GSTCD: variants seen among roughly 807,000 people sequenced by gnomAD.
The protein encoded by GSTCD is glutathione S-transferase C-terminal domain-containing protein.
GSTCD carries 44 observed loss-of-function variants against 68.3 expected under a neutral mutation model. The ratio of observed to expected loss-of-function variants is 0.64; its 90% CI spans 0.51 to 0.83. The LOEUF is 0.83. GSTCD is among the 40% of genes least tolerant of loss of function. The pLI is 0.00. For missense variants in GSTCD, 739 were observed against 735.9 expected, an observed-to-expected ratio of 1.00 and a Z score of -0.05; for synonymous variants, 273 against 255.2, an observed-to-expected ratio of 1.07 and a Z score of -0.67.
Position 105,759,320 on chromosome 4 carries a change from T to C in GSTCD, c.1240+29821T>C, listed in dbSNP as rs112042765. Among the ~76,000 whole-genome samples, 1,056 of 152,140 alleles carry C rather than the reference T, an allele frequency of 6.9e-3. 17 individuals carry two copies. Among genetic ancestry groups the C allele is most frequent in the African/African-American group, 0.024 (994 of 41,490 alleles). On this transcript the variant is annotated intron_variant, in intron 5 of 11. Transcript: ENST00000515279. ...GAATTCCCAAGAATATTTATTATTA[T>C]TATTATTATTAAAAGAATAACCTAC...
chr4:105,846,063 A>G lies in GSTCD; in HGVS notation c.*486A>G, dbSNP rs1459511456. 2 of 156,398 alleles carry G rather than the reference A, an allele frequency of 1.3e-5. No homozygotes were observed. The highest frequency in any genetic ancestry group is 3.7e-4 in the East Asian group (2 of 5,444). 9.7% of individuals were successfully genotyped at this position (156,398 alleles called of 1,614,324 possible). A position where few individuals can be genotyped will look rare whatever the true frequency, so the allele number is the denominator to read the frequency against. The stretch of plus-strand genomic sequence containing the variant: ...TTTAAAAAAATCTAGTCAGGTAATT[A>G]TAGTACAGTTATTTTTAAGCTGGGG... On this transcript the variant is annotated 3_prime_UTR_variant, in exon 12 of 12. Transcript: ENST00000515279.
chr4:105,764,106 AG>A (rs1734517224), intron 5 of GSTCD, among the ~76,000 whole-genome samples: 1 of 152,178 alleles, frequency 6.6e-6, no homozygotes, highest in South Asian at 2.1e-4. Context: ...TCACATCAAA[AG>A]TTTAACAGTG....
At chr4:105,738,660 T>C (rs1733537933) in intron 5 of GSTCD, among the ~76,000 whole-genome samples, 1 of 152,202 alleles carries the variant, frequency 6.6e-6, no homozygotes, top group Non-Finnish European at 1.5e-5. Flanking sequence ...ATATTGATGC[T>C]ACAGAATTTT....
chr4:105,775,209 A>G (rs577794725), intron 5 of GSTCD, among the ~76,000 whole-genome samples: 1 of 152,200 alleles, frequency 6.6e-6, no homozygotes, highest in East Asian at 1.9e-4. Context: ...CCAGCAGGTC[A>G]TTTATGTTCT....
chr4:105,764,751 A>G (rs992115222), intron 5 of GSTCD, among the ~76,000 whole-genome samples: 1 of 152,220 alleles, frequency 6.6e-6, no homozygotes, highest in Non-Finnish European at 1.5e-5. Context: ...TAGGCTTTTA[A>G]CATAATTTTT....
At chr4:105,766,624 C>T (rs556473522) in intron 5 of GSTCD, among the ~76,000 whole-genome samples, 15 of 152,240 alleles carry the variant, frequency 9.9e-5, no homozygotes, top group African/African-American at 3.6e-4. Context: ...AAATTACACT[C>T]ATGTTCATAG....
At chr4:105,746,001 C>T (rs929825367) in intron 5 of GSTCD, among the ~76,000 whole-genome samples, 3 of 152,042 alleles carry the variant, frequency 2.0e-5, no homozygotes, top group Non-Finnish European at 4.4e-5. Flanking sequence ...ACATTACCAC[C>T]CATTCACCCT....
chr4:105,784,005 G>T (rs531177408), intron 5 of GSTCD, among the ~76,000 whole-genome samples: 90 of 152,310 alleles, frequency 5.9e-4, no homozygotes, highest in Non-Finnish European at 1.0e-3. Flanking sequence ...AAAAGGCATG[G>T]GATGTTAGTT....
At chr4:105,731,203 T>C (rs1733227305) in intron 5 of GSTCD, among the ~76,000 whole-genome samples, 1 of 152,216 alleles carries the variant, frequency 6.6e-6, no homozygotes, top group Non-Finnish European at 1.5e-5. Context: ...AGGATTGTCT[T>C]GGCAATGCGG....
rs553600403 is a variant in GSTCD, at chr4:105,733,992, T to C, written c.1240+4493T>C. Among the ~76,000 whole-genome samples, 9 of 152,330 alleles carry C rather than the reference T, an allele frequency of 5.9e-5. No individual in the cohort carries two copies. In the East Asian group the frequency reaches 1.5e-3, roughly 26 times the overall value. On this transcript the variant is annotated intron_variant, in intron 5 of 11. Coordinates refer to ENST00000515279, the MANE Select transcript of GSTCD (RefSeq NM_001370181.1). ...AAATTCTGGGTTGAAAATTCTTTTCTTTAAGAATGTTGAATATTGGCCCCC... is the reference window on the plus strand; with the variant it reads ...AAATTCTGGGTTGAAAATTCTTTTCCTTAAGAATGTTGAATATTGGCCCCC...
intron 5 of GSTCD, among the ~76,000 whole-genome samples, chr4:105,801,229 G>C (rs1736094992): frequency 1.3e-5 from 2 of 152,198 alleles, no homozygotes; most frequent in South Asian, 4.1e-4. Context: ...CCTCAGCTAG[G>C]AACATGTAAT....
intron 5 of GSTCD, among the ~76,000 whole-genome samples, chr4:105,794,594 A>G (rs1735797909): frequency 6.6e-6 from 1 of 151,866 alleles, no homozygotes; most frequent in Non-Finnish European, 1.5e-5. Flanking sequence ...AATAAAGTCT[A>G]TAACACACTC....
rs1724582175 is a variant in GSTCD, at chr4:105,847,225, T to G, written c.*1648T>G. 6.6e-6 allele frequency: 1 copy of G among 151,648 alleles called. No individual in the cohort carries two copies. Among genetic ancestry groups the G allele is most frequent in the Non-Finnish European group, 1.5e-5 (1 of 67,998 alleles). 9.4% of individuals were successfully genotyped at this position (151,648 alleles called of 1,614,324 possible). A position where few individuals can be genotyped will look rare whatever the true frequency, so the allele number is the denominator to read the frequency against. On this transcript the variant is annotated 3_prime_UTR_variant, in exon 12 of 12. Transcript: ENST00000515279. ...TAATGTTTTCAACCCCTGTGTAACA[T>G]GTATCATGAGGAGAAAGCACTATCA...
chr4:105,777,747 T>C (rs1229204295), intron 5 of GSTCD, among the ~76,000 whole-genome samples: 1 of 152,196 alleles, frequency 6.6e-6, no homozygotes, highest in Admixed American at 6.5e-5. Flanking sequence ...GGGATGTTAG[T>C]AATGACTTCT....
At chr4:105,792,100 T>C (rs945490192) in intron 5 of GSTCD, among the ~76,000 whole-genome samples, 1 of 152,108 alleles carries the variant, frequency 6.6e-6, no homozygotes, top group Admixed American at 6.5e-5. Context: ...ACACTGCTCT[T>C]CATGTTCTGT....
intron 5 of GSTCD, among the ~76,000 whole-genome samples, chr4:105,781,582 T>C (rs1226732445): frequency 1.3e-5 from 2 of 151,946 alleles, no homozygotes; most frequent in African/African-American, 4.8e-5. Flanking sequence ...AGAAACAAAA[T>C]TGGACTCATG....
chr4:105,719,104 T>C lies in GSTCD; in HGVS notation c.471T>C (p.Ala157=), dbSNP rs748512693. ...TATGTGAACTCACCATCCCTTTGGCTATTGAGAATTTTCTCAGAGAATCTT... is the reference window on the plus strand; with the variant it reads ...TATGTGAACTCACCATCCCTTTGGCCATTGAGAATTTTCTCAGAGAATCTT... The part of the protein sequence containing the change: ...TRLCELTIPL[A]IENFLRESSD... The change falls in exon 3 of 12, where the codon GCT becomes GCC. Residue 157 remains alanine, a synonymous_variant. Transcript: ENST00000515279. The C allele has an allele frequency of 6.8e-6, 11 of 1,614,058 alleles. No individual in the cohort carries two copies. Among genetic ancestry groups the C allele is most frequent in the Non-Finnish European group, 9.3e-6 (11 of 1,180,010 alleles).
At chr4:105,746,434 A>G (rs1733804431) in intron 5 of GSTCD, 1 of 152,156 alleles carries the variant, frequency 6.6e-6, no homozygotes, top group Non-Finnish European at 1.5e-5. Context: ...CTGCGATAAA[A>G]GGAAAAAATT....
At chr4:105,751,334 A>G (rs1262740669) in intron 5 of GSTCD, among the ~76,000 whole-genome samples, 3 of 152,210 alleles carry the variant, frequency 2.0e-5, no homozygotes, top group African/African-American at 7.2e-5. Flanking sequence ...ATATTGAAAT[A>G]CTTCTCAGCT....
Sources: gnomAD v4.1 joint callset for allele counts (sites outside exome capture counted in the v4.1 genomes callset) on GRCh38, gnomAD v4.1.1 for gene constraint, MANE v1.5 for transcripts, NCBI Gene and HGNC (gene_info 2026-07-23, HGNC 2026-07-21) for gene names.